The following GFRA1 variants were observed in gnomAD, a reference collection of about 807,000 sequenced individuals.
The protein encoded by GFRA1 is GDNF family receptor alpha-1.
In GFRA1, 16 loss-of-function variants were observed where a neutral mutation model predicts 51.6. The observed-to-expected ratio is 0.31, with a 90% CI of 0.21 to 0.47. The LOEUF (loss-of-function observed/expected upper bound fraction) is 0.47, where lower values mean the gene tolerates loss of function less well. Among genes scored for constraint, GFRA1 ranks in the 20% least tolerant of loss-of-function variants. The pLI is 1.00. For missense variants in GFRA1, 530 were observed against 594.3 expected, an observed-to-expected ratio of 0.89 and a Z score of 1.13; for synonymous variants, 270 against 241.3, an observed-to-expected ratio of 1.12 and a Z score of -1.10.
Position 116,131,686 on chromosome 10 carries a change from G to T in GFRA1, c.434-6129C>A, listed in dbSNP as rs139533678. On this transcript the variant is annotated intron_variant, in intron 5 of 10. Transcript: ENST00000355422. ...CACAGTATGATTATATATATAGTTC[G>T]GGAATAGGCAAAACTAATTTATGAT... Among the ~76,000 whole-genome samples the T allele has an allele frequency of 2.4e-3, 366 of 152,108 alleles. 2 individuals carry two copies. Among genetic ancestry groups the T allele is most frequent in the African/African-American group, 8.0e-3 (332 of 41,484 alleles).
intron 5 of GFRA1, among the ~76,000 whole-genome samples, chr10:116,145,148 C>CAAAAAAAAAAAAA (rs58509181): frequency 1.7e-4 from 5 of 28,736 alleles, no homozygotes; most frequent in African/African-American, 7.4e-4. Flanking sequence ...GACTCTGTCT[C>CAAAAAAAAAAAAA]AAAAAAAAAA....
intron 4 of GFRA1, among the ~76,000 whole-genome samples, chr10:116,219,075 A>G (rs144983179): frequency 6.6e-6 from 1 of 152,232 alleles, no homozygotes; most frequent in African/African-American, 2.4e-5. Context: ...ACCAACATCA[A>G]TCTTGGGCTG....
chr10:116,082,364 T>C (rs1426759679), intron 9 of GFRA1, among the ~76,000 whole-genome samples: 1 of 152,210 alleles, frequency 6.6e-6, no homozygotes, highest in Non-Finnish European at 1.5e-5. Context: ...CTTGGCCTGG[T>C]GTCCAAAGAA....
intron 6 of GFRA1, among the ~76,000 whole-genome samples, chr10:116,114,563 T>C (rs1957336090): frequency 6.6e-6 from 1 of 152,142 alleles, no homozygotes; most frequent in African/African-American, 2.4e-5. Flanking sequence ...ACTTTAATTT[T>C]TATTTTTAAT....
intron 5 of GFRA1, among the ~76,000 whole-genome samples, chr10:116,193,651 C>G: frequency 6.6e-6 from 1 of 152,170 alleles, no homozygotes; most frequent in East Asian, 1.9e-4. Context: ...CTCTCTAACC[C>G]AACCTTGAAG....
At chr10:116,222,865 A>G (rs993230711) in intron 4 of GFRA1, among the ~76,000 whole-genome samples, 14 of 152,232 alleles carry the variant, frequency 9.2e-5, no homozygotes, top group African/African-American at 3.1e-4. Context: ...GAAAAAATAA[A>G]AAGTAAAATT....
At chr10:116,193,806 C>T (rs1461522397) in intron 5 of GFRA1, among the ~76,000 whole-genome samples, 1 of 151,712 alleles carries the variant, frequency 6.6e-6, no homozygotes, top group African/African-American at 2.4e-5. Flanking sequence ...GCCTGTAATC[C>T]CAGCACTTTG....
chr10:116,069,654 G>T (rs941844001), intron 9 of GFRA1, among the ~76,000 whole-genome samples: 27 of 152,334 alleles, frequency 1.8e-4, no homozygotes, highest in Middle Eastern at 3.4e-3. Context: ...GTTAATAAAT[G>T]CATTAGAGGC....
Position 116,161,060 on chromosome 10 carries a change from G to A in GFRA1, c.434-35503C>T, listed in dbSNP as rs190265325. On this transcript the variant is annotated intron_variant, in intron 5 of 10. Coordinates refer to ENST00000355422, the MANE Select transcript of GFRA1 (RefSeq NM_005264.8). ...CTTTCAACCTGGAGGAGGAGCCTGG[G>A]AGGCAGAACTCAGGAGTAGAAAACA... is the stretch of plus-strand genomic sequence containing the variant. 2.1e-3 allele frequency among the ~76,000 whole-genome samples: 326 copies of A among 152,318 alleles called. 2 individuals are homozygous for A. The highest frequency in any genetic ancestry group is 4.3e-3 in the Admixed American group (66 of 15,304).
chr10:116,096,970 T>C (rs1415260768), intron 6 of GFRA1, among the ~76,000 whole-genome samples: 4 of 152,100 alleles, frequency 2.6e-5, no homozygotes, highest in Admixed American at 6.6e-5. Context: ...AACCCCCTCA[T>C]GTCCCTTTCC....
chr10:116,175,882 G>A (rs1249865188), intron 5 of GFRA1, among the ~76,000 whole-genome samples: 1 of 152,130 alleles, frequency 6.6e-6, no homozygotes, highest in African/African-American at 2.4e-5. Flanking sequence ...ACCTAAGCAT[G>A]AAGTCGAAAA....
intron 5 of GFRA1, among the ~76,000 whole-genome samples, chr10:116,207,656 C>T (rs1195201330): frequency 1.3e-5 from 2 of 152,246 alleles, no homozygotes; most frequent in East Asian, 3.9e-4. Flanking sequence ...ATGATACACA[C>T]ATGTACGTAT....
At position 116,162,356 on chromosome 10, in the gene GFRA1, C is replaced by G. The variant is rs535638374; in HGVS notation, c.434-36799G>C. 2.0e-5 allele frequency among the ~76,000 whole-genome samples: 3 copies of G among 152,338 alleles called. No homozygotes were observed. In the South Asian group the frequency reaches 6.2e-4, roughly 32 times the overall value. On this transcript the variant is annotated intron_variant, in intron 5 of 10. Transcript: ENST00000355422. The stretch of plus-strand genomic sequence containing the variant: ...TAGTCTCAGAGTCCAGGGGATGTAT[C>G]TCGCCACAGGCCAAAGCCATGTTAA...
At chr10:116,267,495 A>AG (rs1969756703) in intron 4 of GFRA1, among the ~76,000 whole-genome samples, 1 of 152,060 alleles carries the variant, frequency 6.6e-6, no homozygotes, top group Non-Finnish European at 1.5e-5. Flanking sequence ...AAAAAAAAAA[A>AG]CCATTGCTCA....
At chr10:116,146,900 A>C (rs1958824110) in intron 5 of GFRA1, among the ~76,000 whole-genome samples, 1 of 152,148 alleles carries the variant, frequency 6.6e-6, no homozygotes, top group Non-Finnish European at 1.5e-5. Flanking sequence ...AATGCACTAC[A>C]AGGGCCTCTC....
intron 6 of GFRA1, among the ~76,000 whole-genome samples, chr10:116,110,091 A>T (rs776310674): frequency 2.1e-4 from 32 of 152,228 alleles, no homozygotes; most frequent in Non-Finnish European, 3.8e-4. Context: ...GCAGGGATGC[A>T]GCAGGTGTCG....
At chr10:116,110,274 T>C (rs1213956276) in intron 6 of GFRA1, among the ~76,000 whole-genome samples, 6 of 152,070 alleles carry the variant, frequency 3.9e-5, no homozygotes, top group Non-Finnish European at 8.8e-5. Flanking sequence ...TTAAACTCTG[T>C]GCCAGGCACT....
At chr10:116,114,980 C>CATA (rs1308618088) in intron 6 of GFRA1, among the ~76,000 whole-genome samples, 2 of 152,148 alleles carry the variant, frequency 1.3e-5, no homozygotes, top group Non-Finnish European at 2.9e-5. Context: ...CTAACAAAAC[C>CATA]ATAATGCAAG....
chr10:116,169,152 A>G (rs1045205540), intron 5 of GFRA1, among the ~76,000 whole-genome samples: 2 of 152,208 alleles, frequency 1.3e-5, no homozygotes, highest in Non-Finnish European at 2.9e-5. Context: ...AAGAGGGACC[A>G]CTGTCTTTAT....
Sources: allele counts gnomAD v4.1 joint callset (sites outside exome capture counted in the v4.1 genomes callset), GRCh38; gene constraint gnomAD v4.1.1; transcripts MANE v1.5; gene names NCBI Gene and HGNC (gene_info 2026-07-23, HGNC 2026-07-21).